The following ERC1 variants were observed in gnomAD, a reference collection of about 807,000 sequenced individuals.
The protein encoded by ERC1 is RAB6 interacting protein 2.
A neutral mutation model predicts 132.0 loss-of-function variants in ERC1; 56 were observed. That is an observed-to-expected ratio of 0.42 (90% CI 0.34 to 0.53). ERC1 has a LOEUF of 0.53. Among genes scored for constraint, ERC1 ranks in the 20% least tolerant of loss-of-function variants. ERC1 has a pLI of 0.03. For synonymous variants in ERC1, 478 were observed against 476.1 expected (o/e 1.00, Z -0.05); for missense variants, 1,202 against 1,349.9 (o/e 0.89, Z 1.72).
At chr12:1,322,763 G>A (rs896734933) in intron 15 of ERC1, among the ~76,000 whole-genome samples, 31 of 152,028 alleles carry the variant, frequency 2.0e-4, no homozygotes, top group Non-Finnish European at 2.2e-4. Flanking sequence ...TTCTGAGCTT[G>A]CTTATATTTT....
At chr12:1,476,879 A>T (rs1035714897) in intron 18 of ERC1, among the ~76,000 whole-genome samples, 3 of 152,262 alleles carry the variant, frequency 2.0e-5, no homozygotes, top group Non-Finnish European at 2.9e-5. Context: ...AGTTAAATAA[A>T]TTACAATATA....
At chr12:1,261,256 A>T (rs1365780776) in intron 13 of ERC1, among the ~76,000 whole-genome samples, 1 of 152,232 alleles carries the variant, frequency 6.6e-6, no homozygotes, top group Admixed American at 6.5e-5. Flanking sequence ...GACTTGCAAA[A>T]AACAGTTTAA....
chr12:1,050,420 A>G (rs1295375371), intron 2 of ERC1, among the ~76,000 whole-genome samples: 1 of 152,122 alleles, frequency 6.6e-6, no homozygotes, highest in Non-Finnish European at 1.5e-5. Context: ...CATTTTCTTT[A>G]TTACAGCACT....
At chr12:1,136,110 A>C (rs530464750) in intron 7 of ERC1, among the ~76,000 whole-genome samples, 108 of 152,280 alleles carry the variant, frequency 7.1e-4, no homozygotes, top group African/African-American at 2.5e-3. Flanking sequence ...TGTTTGACTT[A>C]TCTCTCTTTT....
chr12:1,164,263 TTTATGTTG>T (rs879264348), intron 8 of ERC1, among the ~76,000 whole-genome samples: 3,169 of 139,502 alleles, frequency 0.023, 47 homozygotes, highest in Non-Finnish European at 0.032. Flanking sequence ...TTTATTTTAT[TTTATGTTG>T]TTATTTTATG....
chr12:1,226,012 A>AAT (rs2074547252), intron 12 of ERC1, among the ~76,000 whole-genome samples: 1 of 152,230 alleles, frequency 6.6e-6, no homozygotes, highest in Non-Finnish European at 1.5e-5. Flanking sequence ...TCCATTAGTT[A>AAT]ATATAATTGA....
chr12:1,471,078 C>T (rs779401373), intron 18 of ERC1, among the ~76,000 whole-genome samples: 105 of 152,232 alleles, frequency 6.9e-4, no homozygotes, highest in Non-Finnish European at 1.2e-3. Flanking sequence ...GCCAAACTCC[C>T]GTGCTATTCA....
At chr12:1,261,789 G>A (rs1334091290) in intron 13 of ERC1, among the ~76,000 whole-genome samples, 1 of 152,168 alleles carries the variant, frequency 6.6e-6, no homozygotes, top group Non-Finnish European at 1.5e-5. Context: ...TCTCTGAGAA[G>A]AATGAAAACT....
At chr12:1,102,096 G>T (rs1253999442) in intron 3 of ERC1, among the ~76,000 whole-genome samples, 1 of 152,126 alleles carries the variant, frequency 6.6e-6, no homozygotes, top group Non-Finnish European at 1.5e-5. Context: ...ATGGAAGCCG[G>T]TTGAAAATTT....
intron 18 of ERC1, among the ~76,000 whole-genome samples, chr12:1,463,077 T>A (rs1374921956): frequency 1.3e-5 from 2 of 152,194 alleles, no homozygotes; most frequent in Admixed American, 1.3e-4. Flanking sequence ...ATTTTTAATT[T>A]TCAGGAAGTA....
chr12:1,056,963 A>G (rs1365796827), intron 2 of ERC1, among the ~76,000 whole-genome samples: 2 of 152,206 alleles, frequency 1.3e-5, no homozygotes, highest in Non-Finnish European at 2.9e-5. Context: ...TCAATGATAC[A>G]ACAAAATCTA....
intron 7 of ERC1, among the ~76,000 whole-genome samples, chr12:1,125,272 G>A (rs1256103811): frequency 6.6e-6 from 1 of 151,850 alleles, no homozygotes; most frequent in African/African-American, 2.4e-5. Context: ...GGGATTACAG[G>A]CATGAGCCAC....
intron 12 of ERC1, among the ~76,000 whole-genome samples, chr12:1,191,091 C>T (rs535958777): frequency 6.2e-4 from 95 of 152,206 alleles, no homozygotes; most frequent in Non-Finnish European, 1.2e-3. Flanking sequence ...TTCTCCTTCA[C>T]TGTACTGAAA....
chr12:1,076,454 G>A (rs563108189), intron 2 of ERC1, among the ~76,000 whole-genome samples: 145 of 150,672 alleles, frequency 9.6e-4, no homozygotes, highest in African/African-American at 3.1e-3. Context: ...GAGTGCAGTG[G>A]CAGGATCTCA....
chr12:1,326,096 C>A (rs1337538257), intron 15 of ERC1, among the ~76,000 whole-genome samples: 1 of 152,054 alleles, frequency 6.6e-6, no homozygotes, highest in African/African-American at 2.4e-5. Context: ...GTTTTGATTT[C>A]TTTTTATGAA....
intron 14 of ERC1, among the ~76,000 whole-genome samples, chr12:1,263,494 G>A (rs534015708): frequency 1.3e-5 from 2 of 152,104 alleles, no homozygotes; most frequent in Non-Finnish European, 2.9e-5. Context: ...AAATAAAGTT[G>A]TATGAGAATT....
In ERC1 at chr12:1,190,272, G is replaced by A. The variant is rs745626651; in HGVS notation, c.2351+220G>A. On this transcript the variant is annotated intron_variant, in intron 12 of 18. Transcript: ENST00000360905. Reference sequence around the variant, plus strand: ...GGAATAAATTGGGAAGCTATGGGCTGTAACATAATTGATTGGCAAAAAAGA... The same window carrying A: ...GGAATAAATTGGGAAGCTATGGGCTATAACATAATTGATTGGCAAAAAAGA... 1.5e-5 allele frequency: 10 copies of A among 669,644 alleles called. 1 individual carries two copies. Among genetic ancestry groups the A allele is most frequent in the Middle Eastern group, 4.2e-4 (1 of 2,388 alleles). The allele number at this position is 669,644 out of a possible 1,614,324, so 41.5% of individuals were successfully genotyped here.
At chr12:1,159,029 A>G (rs910337907) in intron 8 of ERC1, among the ~76,000 whole-genome samples, 3 of 152,180 alleles carry the variant, frequency 2.0e-5, no homozygotes, top group Non-Finnish European at 4.4e-5. Flanking sequence ...CCAGAGATTA[A>G]TACTTGATTT....
At chr12:1,114,103 A>G (rs1946182120) in intron 6 of ERC1, among the ~76,000 whole-genome samples, 1 of 152,026 alleles carries the variant, frequency 6.6e-6, no homozygotes, top group Non-Finnish European at 1.5e-5. Context: ...GGCTCACTGC[A>G]ACCTCTGACT....
Sources: gnomAD v4.1 joint callset for allele counts (sites outside exome capture counted in the v4.1 genomes callset) on GRCh38, gnomAD v4.1.1 for gene constraint, MANE v1.5 for transcripts, NCBI Gene and HGNC (gene_info 2026-07-23, HGNC 2026-07-21) for gene names.